The following SYNE1 variants were observed in gnomAD, a reference collection of about 807,000 sequenced individuals.
SYNE1 encodes nesprin-1.
A neutral mutation model predicts 1,111.0 loss-of-function variants in SYNE1; 616 were observed. The observed-to-expected ratio is 0.55, with a 90% CI of 0.52 to 0.59. The LOEUF (loss-of-function observed/expected upper bound fraction) is 0.59, where lower values mean the gene tolerates loss of function less well. SYNE1 is among the 20% of genes least tolerant of loss of function. The pLI is 0.00. For missense variants in SYNE1, 10,006 were observed against 10,417.0 expected (o/e 0.96, Z 1.72); for synonymous variants, 3,855 against 3,825.8 (o/e 1.01, Z -0.28).
intron 3 of SYNE1, among the ~76,000 whole-genome samples, chr6:152,603,690 A>G (rs983465520): frequency 6.6e-6 from 1 of 151,460 alleles, no homozygotes; most frequent in Admixed American, 6.6e-5. Flanking sequence ...ATATGTATAT[A>G]TGTTCTAGAA....
intron 20 of SYNE1, chr6:152,462,479 TCCTAA>T: frequency 1.7e-6 from 1 of 585,964 alleles, no homozygotes; most frequent in Non-Finnish European, 3.0e-6. Flanking sequence ...TCCTGTTTTT[TCCTAA>T]TACTTTTTAA....
intron 29 of SYNE1, among the ~76,000 whole-genome samples, chr6:152,446,195 A>G (rs1020475573): frequency 6.6e-6 from 1 of 151,794 alleles, no homozygotes; most frequent in Non-Finnish European, 1.5e-5. Context: ...TCTTGGCTCA[A>G]AGATCACCTT....
At chr6:152,537,912 A>G (rs2099251289) in intron 4 of SYNE1, among the ~76,000 whole-genome samples, 1 of 152,166 alleles carries the variant, frequency 6.6e-6, no homozygotes, top group African/African-American at 2.4e-5. Context: ...TTAAAGCTAT[A>G]TTTGGAAATG....
At chr6:152,253,808 T>C (rs1174085794) in intron 104 of SYNE1, among the ~76,000 whole-genome samples, 3 of 138,032 alleles carry the variant, frequency 2.2e-5, no homozygotes, top group African/African-American at 8.2e-5. Context: ...CATTTATGTG[T>C]AGTGGTTTGG....
rs1164612098 is a variant in SYNE1, at chr6:152,143,622, C to T, written c.25119+1G>A. 2.5e-6 allele frequency: 4 copies of T among 1,614,180 alleles called. No homozygotes were observed. The highest frequency in any genetic ancestry group is 1.7e-5 in the Admixed American group (1 of 60,028). On this transcript the variant is annotated splice_donor_variant, in intron 138 of 145. Transcript: ENST00000367255. LOFTEE classifies it high-confidence loss of function. ...GGAATCAGGATGGCCAGGATACTTA[C>T]GTAGCCTTTGTAGCTGGTGTCTAGC...
At chr6:152,546,493 T>G (rs1482277574) in intron 3 of SYNE1, 3 of 152,180 alleles carry the variant, frequency 2.0e-5, no homozygotes, top group African/African-American at 2.4e-5. Context: ...AGGCTGGGCC[T>G]TAAGAGGACT....
At chr6:152,200,284 A>AGG (rs1475753403) in intron 127 of SYNE1, among the ~76,000 whole-genome samples, 1 of 152,252 alleles carries the variant, frequency 6.6e-6, no homozygotes, top group African/African-American at 2.4e-5. Flanking sequence ...CCTTCTGAAA[A>AGG]GGGGCAATAA....
chr6:152,202,346 C>CAAAAAAAAAAAAAAAA (rs35563822), intron 126 of SYNE1, among the ~76,000 whole-genome samples: 10 of 48,056 alleles, frequency 2.1e-4, no homozygotes, highest in East Asian at 7.9e-4. Context: ...GACTCTGTCT[C>CAAAAAAAAAAAAAAAA]AAAAAAAAAA....
At chr6:152,400,361 T>C (rs542951091) in intron 47 of SYNE1, among the ~76,000 whole-genome samples, 80 of 152,276 alleles carry the variant, frequency 5.3e-4, no homozygotes, top group Non-Finnish European at 8.7e-4. Flanking sequence ...TCTATTAATA[T>C]GGATAGGAAA....
intron 6 of SYNE1, among the ~76,000 whole-genome samples, chr6:152,513,072 T>A (rs1175587701): frequency 6.6e-6 from 1 of 152,048 alleles, no homozygotes; most frequent in African/African-American, 2.4e-5. Context: ...AACCAGAAAC[T>A]AAGGAAGTGA....
At chr6:152,499,496 G>A (rs1366910573) in intron 10 of SYNE1, among the ~76,000 whole-genome samples, 3 of 151,972 alleles carry the variant, frequency 2.0e-5, no homozygotes, top group Admixed American at 2.0e-4. Context: ...ATGAAAGCCT[G>A]GTAGATATGT....
At chr6:152,375,930 G>A (rs148943774) in intron 58 of SYNE1, 90 of 155,868 alleles carry the variant, frequency 5.8e-4, no homozygotes, top group Admixed American at 1.8e-3. Context: ...AATTTCTTAC[G>A]CAAAACTTTT....
In SYNE1 at chr6:152,381,042, C is replaced by G. The variant is rs146424389; in HGVS notation, c.8973G>C (p.Thr2991=). Residue 2991 remains threonine (T), a synonymous_variant, in exon 56 of 146, where the codon ACG becomes ACC. Transcript: ENST00000367255. Reference sequence around the variant, plus strand: ...GCCAGCATTCCACTATCTCCTCATCCGTGTTCTTGCCTTCCAGGAGGGTTA... The same window carrying G: ...GCCAGCATTCCACTATCTCCTCATCGGTGTTCTTGCCTTCCAGGAGGGTTA... ...QQLTLLEGKN[T]DEEIVECWHK... 1.9e-6 allele frequency: 3 copies of G among 1,614,110 alleles called. No homozygotes were observed. Among genetic ancestry groups the G allele is most frequent in the Admixed American group, 1.7e-5 (1 of 60,024 alleles).
At chr6:152,363,041 C>T (rs10080308) in intron 63 of SYNE1, among the ~76,000 whole-genome samples, 5 of 151,290 alleles carry the variant, frequency 3.3e-5, no homozygotes, top group Middle Eastern at 3.4e-3. Context: ...CCACCATGCC[C>T]GGCTAATTTT....
At position 152,488,406 on chromosome 6, in the gene SYNE1, T is replaced by C. The variant is rs1303553171; in HGVS notation, c.1037A>G (p.Asp346Gly). 6.3e-7 allele frequency: 1 copy of C among 1,587,564 alleles called. No individual in the cohort carries two copies. Among genetic ancestry groups the C allele is most frequent in the Non-Finnish European group, 8.6e-7 (1 of 1,157,582 alleles). ...RAQMVESNLQ[D>G]KYQSFKHFRV... ...TTCTCCATACAATACCTGATATTTA[T>C]CCTGTAAATTTGATTCCACCATCTG... Residue 346 changes from aspartate to glycine, a missense_variant, in exon 12 of 146, where the codon GAT becomes GGT. Asp to Gly is a moderately conservative substitution (Grantham distance 94). Coordinates refer to ENST00000367255, the MANE Select transcript of SYNE1 (RefSeq NM_182961.4).
At chr6:152,541,481 G>C (rs1157342616) in intron 3 of SYNE1, among the ~76,000 whole-genome samples, 1 of 152,140 alleles carries the variant, frequency 6.6e-6, no homozygotes, top group Non-Finnish European at 1.5e-5. Flanking sequence ...AGGCGTGGCG[G>C]CTCATGCCTG....
At position 152,451,468 on chromosome 6, in the gene SYNE1, A is replaced by ATTTTT. The variant is rs145882121; in HGVS notation, c.3028-268_3028-264dup. ...AATTTTCACAGTAGCCCTGCACCGT[A>ATTTTT]TTTTTTTTTTTTTTTTTTTTTTTTT... On this transcript the variant is annotated intron_variant, in intron 25 of 145. Transcript: ENST00000367255. Among the ~76,000 whole-genome samples the ATTTTT allele has an allele frequency of 1.0e-3, 51 of 49,830 alleles. 9 individuals are homozygous for ATTTTT. Among genetic ancestry groups the ATTTTT allele is most frequent in the African/African-American group, 3.3e-3 (39 of 11,948 alleles). 32.7% of individuals were successfully genotyped at this position (49,830 alleles called of 152,430 possible).
At chr6:152,551,161 T>C (rs1466286657) in intron 3 of SYNE1, among the ~76,000 whole-genome samples, 1 of 152,212 alleles carries the variant, frequency 6.6e-6, no homozygotes, top group Non-Finnish European at 1.5e-5. Flanking sequence ...AAAATACCTT[T>C]TACCTTGTAT....
At position 152,584,250 on chromosome 6, in the gene SYNE1, T is replaced by C. The variant is rs561679758; in HGVS notation, c.67+44015A>G. Among the ~76,000 whole-genome samples the C allele has an allele frequency of 2.2e-3, 339 of 151,878 alleles. 2 individuals are homozygous for C. The highest frequency in any genetic ancestry group is 7.9e-3 in the African/African-American group (326 of 41,338). ...CCTGGCCACAAAGTTTCAATAAATATGGAGAGAGAGAGAGAGAGACAGAGA... is the reference window on the plus strand; with the variant it reads ...CCTGGCCACAAAGTTTCAATAAATACGGAGAGAGAGAGAGAGAGACAGAGA... On this transcript the variant is annotated intron_variant, in intron 3 of 145. Coordinates refer to ENST00000367255, the MANE Select transcript of SYNE1 (RefSeq NM_182961.4).
Sources: allele counts gnomAD v4.1 joint callset (sites outside exome capture counted in the v4.1 genomes callset), GRCh38; gene constraint gnomAD v4.1.1; transcripts MANE v1.5; gene names NCBI Gene and HGNC (gene_info 2026-07-23, HGNC 2026-07-21).